Variants in DSC3 observed in about 807,000 individuals in gnomAD.
DSC3 encodes the protein desmocollin 3, also known as desmocollin-3.
Under a neutral mutation model 89.5 loss-of-function variants are expected in DSC3, and 97 were observed. The ratio of observed to expected loss-of-function variants is 1.08; its 90% CI spans 0.92 to 1.28. The LOEUF (loss-of-function observed/expected upper bound fraction) is 1.28. Ranked by LOEUF, DSC3 falls within the 50% of genes most tolerant of loss-of-function variation. The pLI is 0.00. For synonymous variants in DSC3, 436 were observed against 384.1 expected, an observed-to-expected ratio of 1.14 and a Z score of -1.58; for missense variants, 1,199 against 1,085.3, an observed-to-expected ratio of 1.10 and a Z score of -1.47.
At chr18:31,011,017 T>A (rs1985039015) in intron 9 of DSC3, among the ~76,000 whole-genome samples, 1 of 152,218 alleles carries the variant, frequency 6.6e-6, no homozygotes, top group Non-Finnish European at 1.5e-5. Context: ...CAGAAAGAAG[T>A]ATTGTTCCCA....
chr18:31,011,720 C>T (rs541044151), intron 9 of DSC3, among the ~76,000 whole-genome samples: 23 of 151,998 alleles, frequency 1.5e-4, no homozygotes, highest in African/African-American at 2.9e-4. Context: ...ATGCCAGGCA[C>T]GGTGGCTCAC....
chr18:31,008,173 A>G lies in DSC3; in HGVS notation c.1521-15T>C, dbSNP rs1160881526. 4.4e-6 allele frequency: 7 copies of G among 1,608,112 alleles called. No homozygotes were observed. The highest frequency in any genetic ancestry group is 6.0e-6 in the Non-Finnish European group (7 of 1,176,032). Reference sequence around the variant, plus strand: ...ATTTTTTGTACCTGTTAATAAAAAAAAAATAGTCTTTAGCATCAGAAAATG... The same window carrying G: ...ATTTTTTGTACCTGTTAATAAAAAAGAAATAGTCTTTAGCATCAGAAAATG... On this transcript the variant is annotated splice_polypyrimidine_tract_variant and intron_variant, in intron 10 of 15. Coordinates refer to ENST00000360428, the MANE Select transcript of DSC3 (RefSeq NM_001941.5).
chr18:30,999,328 T>C (rs1256598393), intron 14 of DSC3, among the ~76,000 whole-genome samples: 3 of 152,096 alleles, frequency 2.0e-5, no homozygotes, highest in Non-Finnish European at 4.4e-5. Flanking sequence ...ATACTTACTG[T>C]CGCATTGCCT....
chr18:31,007,352 T>G (rs2144690822), intron 11 of DSC3, among the ~76,000 whole-genome samples: 1 of 152,290 alleles, frequency 6.6e-6, no homozygotes, highest in East Asian at 1.9e-4. Flanking sequence ...TCAATAAATC[T>G]TTTACCAGAA....
intron 14 of DSC3, among the ~76,000 whole-genome samples, chr18:30,998,036 A>G (rs888655685): frequency 6.6e-6 from 1 of 152,252 alleles, no homozygotes; most frequent in Non-Finnish European, 1.5e-5. Context: ...AGACTTTATT[A>G]TGAAGATCAC....
chr18:31,035,805 T>A (rs529330394), intron 1 of DSC3, among the ~76,000 whole-genome samples: 3 of 152,280 alleles, frequency 2.0e-5, no homozygotes, highest in South Asian at 2.1e-4. Context: ...TATTTCCAAC[T>A]CTTCTCCAGG....
At chr18:31,033,424 G>T (rs962072267) in intron 1 of DSC3, among the ~76,000 whole-genome samples, 2 of 152,012 alleles carry the variant, frequency 1.3e-5, no homozygotes, top group African/African-American at 4.8e-5. Context: ...ATATATAGAT[G>T]AATGGAGTAG....
Position 30,994,008 on chromosome 18 carries a change from G to T in DSC3, c.*167C>A. On this transcript the variant is annotated 3_prime_UTR_variant, in exon 16 of 16. Coordinates refer to ENST00000360428, the MANE Select transcript of DSC3 (RefSeq NM_001941.5). ...TCTGTTTTAACATTTTTCACTTTTTGGAAAAGATAAGCAACAACTTGCTTT... is the reference window on the plus strand; with the variant it reads ...TCTGTTTTAACATTTTTCACTTTTTTGAAAAGATAAGCAACAACTTGCTTT... 1 of 670,524 alleles carries T rather than the reference G, an allele frequency of 1.5e-6. No homozygotes were observed. Among genetic ancestry groups the T allele is most frequent in the Non-Finnish European group, 2.5e-6 (1 of 401,760 alleles). The allele number at this position is 670,524 out of a possible 1,614,324, so 41.5% of individuals were successfully genotyped here. A position where few individuals can be genotyped will look rare whatever the true frequency, so the allele number is the denominator to read the frequency against.
Position 31,008,316 on chromosome 18 carries a change from G to T in DSC3, c.1473C>A (p.Asn491Lys). 6.2e-7 allele frequency: 1 copy of T among 1,613,950 alleles called. No individual in the cohort carries two copies. The highest frequency in any genetic ancestry group is 8.5e-7 in the Non-Finnish European group (1 of 1,179,988). ...TTTCGGGGTCATATGCCTTATAGCC[G>T]TTGATCTTTGACCCCACTGCTAAGT... Reference protein sequence around the residue: ...KENLAVGSKINGYKAYDPENR... With the variant: ...KENLAVGSKIKGYKAYDPENR... Residue 491 changes from asparagine (N) to lysine (K), a missense_variant, in exon 10 of 16, where the codon AAC becomes AAA. Transcript: ENST00000360428.
rs1598593995 is a variant in DSC3, at chr18:30,994,169, G to A, written c.*6C>T. ...CTGACAAAGACCTAATTGTAGCACT[G>A]TGACATTATCTCTTTGTGCATGCTT... On this transcript the variant is annotated 3_prime_UTR_variant, in exon 16 of 16. Coordinates refer to ENST00000360428, the MANE Select transcript of DSC3 (RefSeq NM_001941.5). The A allele has an allele frequency of 6.8e-6, 11 of 1,612,884 alleles. No homozygotes were observed. Among genetic ancestry groups the A allele is most frequent in the Non-Finnish European group, 9.3e-6 (11 of 1,178,948 alleles).
intron 13 of DSC3, 40 bp downstream of exon 13, chr18:31,004,102 T>G: frequency 6.8e-7 from 1 of 1,479,642 alleles, no homozygotes; most frequent in Admixed American, 1.7e-5. Flanking sequence ...CCTAGATTTT[T>G]TATTATATAT....
At chr18:31,032,170 A>G (rs1985811222) in intron 2 of DSC3, 22 bp downstream of exon 2, 1 of 1,563,372 alleles carries the variant, frequency 6.4e-7, no homozygotes, top group African/African-American at 1.4e-5. Context: ...TCTGCTTTAA[A>G]AAGACTTTTA....
Position 31,018,800 on chromosome 18 carries a change from C to T in DSC3, c.943G>A (p.Val315Ile), listed in dbSNP as rs1567956544. 2.5e-6 allele frequency: 4 copies of T among 1,613,370 alleles called. No homozygotes were observed. The South Asian group carries it at 3.3e-5, about 13-fold the overall frequency. Residue 315 changes from valine to isoleucine, a missense_variant and splice_region_variant, in exon 8 of 16, where the codon GTT becomes ATT. By Grantham distance (29) the Val-to-Ile change is conservative (BLOSUM62 3). Coordinates refer to ENST00000360428, the MANE Select transcript of DSC3 (RefSeq NM_001941.5). ...TTVSHYLDRE[V>I]VDKYSLIMKV... ...ATTATCAATGAGTACTTGTCTACAA[C>T]CTGGAAACAAAGCAAATATTTAACT...
chr18:31,025,989 G>T, intron 4 of DSC3, 74 bp from the exon 5 acceptor site: 1 of 1,318,910 alleles, frequency 7.6e-7, no homozygotes, highest in Non-Finnish European at 1.1e-6. Flanking sequence ...TGCAGCTGAT[G>T]TATCTTTTTA....
At position 31,034,533 on chromosome 18, in the gene DSC3, G is replaced by A. The variant is rs1254507659; in HGVS notation, c.70-2257C>T. ...TCCAGCAAGTCCACTCTTCCTAAAA[G>A]ACATAAAAACCTAAGTCCACACAAA... On this transcript the variant is annotated intron_variant, in intron 1 of 15. Coordinates refer to ENST00000360428, the MANE Select transcript of DSC3 (RefSeq NM_001941.5). Among the ~76,000 whole-genome samples the A allele has an allele frequency of 2.0e-5, 3 of 152,084 alleles. No homozygotes were observed. In the South Asian group the frequency reaches 6.2e-4, roughly 31 times the overall value.
At chr18:31,027,161 T>G (rs1985625101) in intron 4 of DSC3, among the ~76,000 whole-genome samples, 1 of 152,122 alleles carries the variant, frequency 6.6e-6, no homozygotes, top group Non-Finnish European at 1.5e-5. Flanking sequence ...ATCTGTTTCA[T>G]TTTCCTTCTA....
chr18:31,013,266 A>G (rs1985130946), intron 9 of DSC3, among the ~76,000 whole-genome samples: 1 of 151,482 alleles, frequency 6.6e-6, no homozygotes, highest in Admixed American at 6.6e-5. Flanking sequence ...GAACAGATAC[A>G]AAAACTAAAA....
chr18:31,037,729 G>A (rs1372554029), intron 1 of DSC3, among the ~76,000 whole-genome samples: 1 of 151,958 alleles, frequency 6.6e-6, no homozygotes, highest in Non-Finnish European at 1.5e-5. Context: ...GTGAAACCTC[G>A]TCTCTACTAA....
At chr18:31,027,289 G>A (rs181790178) in intron 4 of DSC3, among the ~76,000 whole-genome samples, 9 of 152,202 alleles carry the variant, frequency 5.9e-5, no homozygotes, top group Admixed American at 2.6e-4. Flanking sequence ...ACGGTCAGAC[G>A]TGCTTGAACA....
Sources: gnomAD v4.1 joint callset for allele counts (sites outside exome capture counted in the v4.1 genomes callset) on GRCh38, gnomAD v4.1.1 for gene constraint, MANE v1.5 for transcripts, NCBI Gene and HGNC (gene_info 2026-07-23, HGNC 2026-07-21) for gene names.